The following RBFOX1 variants were observed in gnomAD, a reference collection of about 807,000 sequenced individuals.
RBFOX1 encodes RNA binding fox-1 homolog 1.
RBFOX1 carries 8 observed loss-of-function variants against 57.7 expected under a neutral mutation model. That is an observed-to-expected ratio of 0.14 (90% CI 0.08 to 0.25). The LOEUF (loss-of-function observed/expected upper bound fraction) is 0.25. Among genes scored for constraint, RBFOX1 ranks in the 10% least tolerant of loss-of-function variants. RBFOX1 has a pLI of 1.00. For synonymous variants in RBFOX1, 326 were observed against 222.4 expected (o/e 1.47, Z -4.15); for missense variants, 611 against 548.5 (o/e 1.11, Z -1.14).
At chr16:5,895,536 C>T (rs1220700906) in intron 4 of RBFOX1, among the ~76,000 whole-genome samples, 1 of 152,180 alleles carries the variant, frequency 6.6e-6, no homozygotes, top group African/African-American at 2.4e-5. Context: ...AACTTGGCAG[C>T]CTGATCTTTA....
intron 1 of RBFOX1, among the ~76,000 whole-genome samples, chr16:6,112,639 T>C (rs1347053089): frequency 6.6e-6 from 1 of 152,100 alleles, no homozygotes; most frequent in Non-Finnish European, 1.5e-5. Context: ...TGCGGTGAGC[T>C]GAGATCGTGC....
At chr16:6,861,723 C>T (rs1603633588) in intron 3 of RBFOX1, among the ~76,000 whole-genome samples, 1 of 150,946 alleles carries the variant, frequency 6.6e-6, no homozygotes, top group African/African-American at 2.4e-5. Flanking sequence ...CGGAAGTCTT[C>T]AGGATTTACA....
intron 2 of RBFOX1, among the ~76,000 whole-genome samples, chr16:6,563,618 C>T (rs1268380441): frequency 6.6e-6 from 1 of 152,064 alleles, no homozygotes; most frequent in Non-Finnish European, 1.5e-5. Context: ...CCAAGGTAGG[C>T]AGATTGTTTG....
At chr16:6,644,726 T>C (rs1406796594) in intron 2 of RBFOX1, among the ~76,000 whole-genome samples, 1 of 152,178 alleles carries the variant, frequency 6.6e-6, no homozygotes, top group African/African-American at 2.4e-5. Flanking sequence ...TCAGGGGCTG[T>C]ATTGTGGAAA....
chr16:7,661,924 C>T (rs2067859159), intron 12 of RBFOX1, among the ~76,000 whole-genome samples: 1 of 152,202 alleles, frequency 6.6e-6, no homozygotes, highest in African/African-American at 2.4e-5. Flanking sequence ...CTCCTAAGAG[C>T]AAACATCCCG....
intron 3 of RBFOX1, among the ~76,000 whole-genome samples, chr16:5,763,950 A>G (rs917352952): frequency 3.3e-5 from 5 of 151,696 alleles, no homozygotes. Context: ...TTCTTTATTC[A>G]CCTGTTTACT....
chr16:7,123,372 TATTA>T (rs1334352685), intron 4 of RBFOX1, among the ~76,000 whole-genome samples: 1 of 152,116 alleles, frequency 6.6e-6, no homozygotes, highest in African/African-American at 2.4e-5. Context: ...ATTATTTATT[TATTA>T]TTTTTTGAGA....
intron 3 of RBFOX1, among the ~76,000 whole-genome samples, chr16:5,642,190 T>C (rs1336992785): frequency 1.3e-5 from 2 of 152,154 alleles, no homozygotes; most frequent in African/African-American, 4.8e-5. Flanking sequence ...GCAGTTTTGA[T>C]CCCTTCACTG....
intron 3 of RBFOX1, among the ~76,000 whole-genome samples, chr16:6,836,231 C>G (rs988405940): frequency 6.6e-6 from 1 of 152,158 alleles, no homozygotes; most frequent in African/African-American, 2.4e-5. Flanking sequence ...AAGAAGTTGT[C>G]TAACAGTCCT....
At chr16:5,782,570 G>A (rs1477018535) in intron 3 of RBFOX1, among the ~76,000 whole-genome samples, 1 of 152,188 alleles carries the variant, frequency 6.6e-6, no homozygotes, top group Non-Finnish European at 1.5e-5. Context: ...GACAGTGTCA[G>A]GATGGGGGAT....
chr16:5,834,731 A>G (rs1479338514), intron 3 of RBFOX1, among the ~76,000 whole-genome samples: 1 of 101,292 alleles, frequency 9.9e-6, no homozygotes, highest in African/African-American at 4.4e-5. Flanking sequence ...AGATACATAG[A>G]TACATACATA....
At chr16:5,678,829 A>G (rs2050245186) in intron 3 of RBFOX1, among the ~76,000 whole-genome samples, 1 of 152,156 alleles carries the variant, frequency 6.6e-6, no homozygotes, top group Non-Finnish European at 1.5e-5. Flanking sequence ...AGCACGTTAA[A>G]TTTGCTACTC....
intron 1 of RBFOX1, among the ~76,000 whole-genome samples, chr16:5,367,021 T>A (rs550296108): frequency 6.6e-6 from 1 of 152,252 alleles, no homozygotes; most frequent in Non-Finnish European, 1.5e-5. Context: ...ACAGTTTCTA[T>A]TGACTTAATA....
intron 1 of RBFOX1, among the ~76,000 whole-genome samples, chr16:6,094,358 C>T (rs2096217931): frequency 6.6e-6 from 1 of 152,160 alleles, no homozygotes; most frequent in Non-Finnish European, 1.5e-5. Flanking sequence ...CCAGGTGGCA[C>T]TTCTCAGCAA....
chr16:6,089,599 A>G (rs988101782), intron 1 of RBFOX1, among the ~76,000 whole-genome samples: 1 of 152,176 alleles, frequency 6.6e-6, no homozygotes, highest in Non-Finnish European at 1.5e-5. Context: ...TTGAATGCAA[A>G]TATTGCTGGG....
chr16:5,499,271 G>C (rs1305005408), intron 2 of RBFOX1, among the ~76,000 whole-genome samples: 2 of 152,306 alleles, frequency 1.3e-5, no homozygotes, highest in Admixed American at 1.3e-4. Flanking sequence ...GAAAATACTA[G>C]AGGAATGACT....
chr16:7,316,903 T>C (rs1018210747), intron 4 of RBFOX1, among the ~76,000 whole-genome samples: 17 of 151,198 alleles, frequency 1.1e-4, no homozygotes, highest in African/African-American at 4.1e-4. Flanking sequence ...CAGAGACGAC[T>C]GGAGTTTGGA....
In RBFOX1 at chr16:5,918,743, C is replaced by A. The variant is rs182302095; in HGVS notation, c.351+51408C>A. Reference sequence around the variant, plus strand: ...ACTAGGACTGTGAATTTGCATAAGACTTCCTGGTTGTCCTGAGGTTGATCA... The same window carrying A: ...ACTAGGACTGTGAATTTGCATAAGAATTCCTGGTTGTCCTGAGGTTGATCA... On this transcript the variant is annotated intron_variant, in intron 4 of 19. Transcript: ENST00000641259. Among the ~76,000 whole-genome samples the A allele has an allele frequency of 5.8e-3, 891 of 152,334 alleles. 13 individuals carry two copies. Among genetic ancestry groups the A allele is most frequent in the Non-Finnish European group, 8.8e-3 (600 of 68,024 alleles).
At chr16:7,071,552 G>A (rs562700224) in intron 4 of RBFOX1, among the ~76,000 whole-genome samples, 1 of 150,988 alleles carries the variant, frequency 6.6e-6, no homozygotes, top group Non-Finnish European at 1.5e-5. Context: ...TTGTTGTTGG[G>A]GTCACAACTG....
Sources: gnomAD v4.1 joint callset for allele counts (sites outside exome capture counted in the v4.1 genomes callset) on GRCh38, gnomAD v4.1.1 for gene constraint, MANE v1.5 for transcripts, NCBI Gene and HGNC (gene_info 2026-07-23, HGNC 2026-07-21) for gene names.